The following PTPRN2 variants were observed in gnomAD, a reference collection of about 807,000 sequenced individuals.
PTPRN2 encodes receptor-type tyrosine-protein phosphatase N2.
In PTPRN2, 74 loss-of-function variants were observed where a neutral mutation model predicts 118.8. That is an observed-to-expected ratio of 0.62 (90% confidence interval 0.52 to 0.76). PTPRN2 has a LOEUF of 0.76. Ranked by LOEUF, PTPRN2 falls within the 30% of genes least tolerant of loss-of-function variation. The probability of loss-of-function intolerance (pLI) is 0.00; values close to 1 mark genes in which losing one functional copy is unlikely to be tolerated. For missense variants in PTPRN2, 1,481 were observed against 1,394.4 expected, an observed-to-expected ratio of 1.06 and a Z score of -0.99; for synonymous variants, 641 against 608.0, an observed-to-expected ratio of 1.05 and a Z score of -0.80.
chr7:158,481,811 T>C (rs1364388045), intron 2 of PTPRN2, among the ~76,000 whole-genome samples: 1 of 152,210 alleles, frequency 6.6e-6, no homozygotes, highest in African/African-American at 2.4e-5. Flanking sequence ...CTGCCATAGA[T>C]AGTGATTCCT....
At chr7:158,553,533 C>A (rs1016861067) in intron 1 of PTPRN2, among the ~76,000 whole-genome samples, 3 of 150,914 alleles carry the variant, frequency 2.0e-5, no homozygotes, top group African/African-American at 4.9e-5. Flanking sequence ...TGGGGGTCTA[C>A]ATCGCCTTCC....
intron 2 of PTPRN2, among the ~76,000 whole-genome samples, chr7:158,482,047 C>A (rs1475935343): frequency 6.6e-6 from 1 of 152,164 alleles, no homozygotes; most frequent in Non-Finnish European, 1.5e-5. Flanking sequence ...CCAGCATTAG[C>A]AGAGCTGCCT....
intron 12 of PTPRN2, among the ~76,000 whole-genome samples, chr7:157,806,799 C>T (rs1805663193): frequency 6.6e-6 from 1 of 152,248 alleles, no homozygotes; most frequent in Admixed American, 6.5e-5. Flanking sequence ...CCAGGCAGAC[C>T]ACGGCCCGGT....
intron 3 of PTPRN2, among the ~76,000 whole-genome samples, chr7:158,286,680 CT>C (rs1451534453): frequency 2.6e-5 from 4 of 152,172 alleles, no homozygotes; most frequent in Non-Finnish European, 5.9e-5. Flanking sequence ...TTGAACCATC[CT>C]TGCATACCAG....
intron 12 of PTPRN2, among the ~76,000 whole-genome samples, chr7:157,782,532 A>G (rs971119298): frequency 3.3e-5 from 5 of 152,222 alleles, no homozygotes; most frequent in African/African-American, 1.2e-4. Flanking sequence ...GAAATCACAC[A>G]TCCCAGTTAT....
intron 12 of PTPRN2, among the ~76,000 whole-genome samples, chr7:157,748,374 GCCTGGGTGATT>G: frequency 6.7e-6 from 1 of 149,920 alleles, no homozygotes; most frequent in East Asian, 2.0e-4. Context: ...GCTGTGAGCT[GCCTGGGTGATT>G]TTGAGGCCTG....
In PTPRN2 at chr7:158,129,927, G is replaced by A. The variant is rs149010998; in HGVS notation, c.1556+3750C>T. The stretch of plus-strand genomic sequence containing the variant: ...TCCTCCAAGCAAAGAGCCTGGAAAC[G>A]GGAAAGCTCATCCTGACTTATGTAA... On this transcript the variant is annotated intron_variant, in intron 9 of 22. Transcript: ENST00000389418. Among the ~76,000 whole-genome samples, 812 of 152,302 alleles carry A rather than the reference G, an allele frequency of 5.3e-3. 22 individuals carry two copies. The East Asian group carries it at 0.064, about 12-fold the overall frequency.
intron 10 of PTPRN2, among the ~76,000 whole-genome samples, chr7:158,098,157 G>C (rs1033372106): frequency 6.6e-6 from 1 of 152,234 alleles, no homozygotes; most frequent in Non-Finnish European, 1.5e-5. Context: ...CACGCACGCA[G>C]GCACCAGAAC....
rs951662348 is a variant in PTPRN2, at chr7:157,785,516, C to T, written c.1789-102579G>A. Among the ~76,000 whole-genome samples, 6 of 152,190 alleles carry T rather than the reference C, an allele frequency of 3.9e-5. No homozygotes were observed. Among genetic ancestry groups the T allele is most frequent in the African/African-American group, 1.4e-4 (6 of 41,450 alleles). ...CGGGCAGGCCTCCCCAGGACCAGAG[C>T]GCCTGCGACCTGCCTGGGTGCCATC... On this transcript the variant is annotated intron_variant, in intron 12 of 22. Transcript: ENST00000389418. This position sits in a 1 kb window ranked among gnomAD's most constrained non-coding sequence, Gnocchi z 7.3.
intron 3 of PTPRN2, among the ~76,000 whole-genome samples, chr7:158,276,203 CTGG>C: frequency 6.7e-6 from 1 of 149,802 alleles, no homozygotes; most frequent in Non-Finnish European, 1.5e-5. Context: ...AGCTCCTGCC[CTGG>C]CCCCGGCAGG....
chr7:158,333,717 C>T (rs1463854772), intron 2 of PTPRN2, among the ~76,000 whole-genome samples: 5 of 147,028 alleles, frequency 3.4e-5, no homozygotes, highest in African/African-American at 1.3e-4. Flanking sequence ...GAGCTGAGGC[C>T]CACAGAGGTC....
intron 3 of PTPRN2, among the ~76,000 whole-genome samples, chr7:158,262,627 T>C (rs1797532703): frequency 3.4e-5 from 4 of 118,604 alleles, no homozygotes; most frequent in Middle Eastern, 8.6e-3. Flanking sequence ...ACACATACAT[T>C]CACACTGCAA....
rs562762828 is a variant in PTPRN2 at position 157,649,292 on chromosome 7, C to T, written c.2196+7065G>A. ...AACTCGGTGGGTCGGACCCATCCAG[C>T]GTGCACTGAACTTGGTGGGTCGGAC... is the stretch of plus-strand genomic sequence containing the variant. On this transcript the variant is annotated intron_variant, in intron 14 of 22. Transcript: ENST00000389418. Among the ~76,000 whole-genome samples the T allele has an allele frequency of 4.9e-3, 355 of 72,816 alleles. 33 individuals are homozygous for T. Among genetic ancestry groups the T allele is most frequent in the African/African-American group, 0.016 (342 of 21,794 alleles). The allele number at this position is 72,816 out of a possible 152,430, so 47.8% of individuals were successfully genotyped here. A position where few individuals can be genotyped will look rare whatever the true frequency, so the allele number is the denominator to read the frequency against.
chr7:157,954,139 CCA>C (rs1801010702), intron 11 of PTPRN2, among the ~76,000 whole-genome samples: 9 of 145,650 alleles, frequency 6.2e-5, no homozygotes, highest in Non-Finnish European at 9.1e-5. Flanking sequence ...GTATGTGTGT[CCA>C]TGTGGGTGGT....
chr7:157,930,383 G>T (rs1799283820), intron 11 of PTPRN2, among the ~76,000 whole-genome samples: 1 of 152,214 alleles, frequency 6.6e-6, no homozygotes, highest in Admixed American at 6.5e-5. Context: ...CTGAGAGGGG[G>T]TCTCTGTTCA....
chr7:158,000,632 G>A, intron 11 of PTPRN2, among the ~76,000 whole-genome samples: 2 of 125,174 alleles, frequency 1.6e-5, no homozygotes, highest in East Asian at 2.6e-4. Context: ...GGGTCGGGCC[G>A]CAGGTGGGGA....
chr7:158,027,419 T>C (rs1807363606), intron 11 of PTPRN2: 1 of 152,222 alleles, frequency 6.6e-6, no homozygotes, highest in African/African-American at 2.4e-5. Context: ...TCGGCCCCCA[T>C]GGGCTGGTAT....
chr7:157,808,692 C>T lies in PTPRN2; in HGVS notation c.1788+89981G>A, dbSNP rs1020511877. Among the ~76,000 whole-genome samples the T allele has an allele frequency of 3.3e-5, 5 of 152,120 alleles. No homozygotes were observed. Among genetic ancestry groups the T allele is most frequent in the Admixed American group, 2.6e-4 (4 of 15,276 alleles). ...AATTAAGTGCACAGTAAATGTAATGCGTTTGAATCATCCTGAAACCTTCCC... is the reference window on the plus strand; with the variant it reads ...AATTAAGTGCACAGTAAATGTAATGTGTTTGAATCATCCTGAAACCTTCCC... On this transcript the variant is annotated intron_variant, in intron 12 of 22. Coordinates refer to ENST00000389418, the MANE Select transcript of PTPRN2 (RefSeq NM_002847.5). This position sits in a 1 kb window ranked among gnomAD's most constrained non-coding sequence, Gnocchi z 5.0.
chr7:158,477,490 C>CA (rs1330247976), intron 2 of PTPRN2, among the ~76,000 whole-genome samples: 52 of 152,098 alleles, frequency 3.4e-4, no homozygotes. Flanking sequence ...ACGTATAATT[C>CA]ATTTTTTAAT....
Sources: gnomAD v4.1 joint callset for allele counts (sites outside exome capture counted in the v4.1 genomes callset) on GRCh38, gnomAD v4.1.1 for gene constraint, Gnocchi (gnomAD v3.1) non-coding constraint, MANE v1.5 for transcripts, NCBI Gene and HGNC (gene_info 2026-07-23, HGNC 2026-07-21) for gene names.